Variants in NDUFA5 observed in about 807,000 individuals in gnomAD.
NDUFA5 encodes NADH dehydrogenase [ubiquinone] 1 alpha subcomplex subunit 5.
In NDUFA5, 11 loss-of-function variants were observed where a neutral mutation model predicts 19.8. The ratio of observed to expected loss-of-function variants is 0.56; its 90% CI spans 0.35 to 0.92. The LOEUF is 0.92. Ranked by LOEUF, NDUFA5 falls within the 40% of genes least tolerant of loss-of-function variation. NDUFA5 has a pLI of 0.01. For missense variants in NDUFA5, 109 were observed against 134.2 expected, an observed-to-expected ratio of 0.81 and a Z score of 0.93; for synonymous variants, 47 against 46.8, an observed-to-expected ratio of 1.00 and a Z score of -0.01.
In NDUFA5 at chr7:123,545,634, G is replaced by A. The variant is rs766524825; in HGVS notation, c.226C>T (p.Gln76Ter). Residue 76 changes from glutamine to a stop codon, truncating the protein, a stop_gained, in exon 4 of 5, where the codon CAA (glutamine) becomes TAA (stop). Coordinates refer to ENST00000355749, the MANE Select transcript of NDUFA5 (RefSeq NM_005000.5). LOFTEE classifies it high-confidence loss of function. ...KKLEDQLQGGQLEEVILQAEH... is the reference protein window; with the variant it reads ...KKLEDQLQGG ...ACCTGAAGAATCACCTCTTCTAATT[G>A]ACCGCCTTGAAGTTGGTCTTCTAAT... The A allele has an allele frequency of 3.7e-6, 6 of 1,610,170 alleles. No homozygotes were observed. Among genetic ancestry groups the A allele is most frequent in the Non-Finnish European group, 5.1e-6 (6 of 1,178,538 alleles).
the NDUFA5 span, among the ~76,000 whole-genome samples, chr7:123,597,069 G>A: frequency 6.6e-5 from 10 of 152,130 alleles, no homozygotes; most frequent in Non-Finnish European, 8.8e-5. Context: ...TCTTACACAC[G>A]GTTTTGCTTG....
chr7:123,576,388 A>G, the NDUFA5 span, among the ~76,000 whole-genome samples: 1 of 151,864 alleles, frequency 6.6e-6, no homozygotes, highest in African/African-American at 2.4e-5. Context: ...CATAATTTTC[A>G]TCTGTTCAAT....
At chr7:123,601,044 C>T in the NDUFA5 span, among the ~76,000 whole-genome samples, 2 of 152,028 alleles carry the variant, frequency 1.3e-5, no homozygotes, top group East Asian at 1.9e-4. Context: ...ACCTGCAAAA[C>T]GAGTTGTTTT....
At position 123,541,756 on chromosome 7, in the gene NDUFA5, T is replaced by C. The variant is rs1286575081; in HGVS notation, c.*363A>G. The C allele has an allele frequency of 6.5e-6, 1 of 153,510 alleles. No individual in the cohort carries two copies. Among genetic ancestry groups the C allele is most frequent in the East Asian group, 1.9e-4 (1 of 5,262 alleles). The allele number at this position is 153,510 out of a possible 1,614,324, so 9.5% of individuals were successfully genotyped here. On this transcript the variant is annotated 3_prime_UTR_variant, in exon 5 of 5. Transcript: ENST00000355749. ...GACTATAATAATTAAGGACCTTTCCTTCTTCAGGATAACTTAAAAAATTAA... is the reference window on the plus strand; with the variant it reads ...GACTATAATAATTAAGGACCTTTCCCTCTTCAGGATAACTTAAAAAATTAA...
In NDUFA5 at chr7:123,537,894, A is replaced by G. The variant is rs1052285681; in HGVS notation, c.*4225T>C. On this transcript the variant is annotated 3_prime_UTR_variant, in exon 5 of 5. Coordinates refer to ENST00000355749, the MANE Select transcript of NDUFA5 (RefSeq NM_005000.5). ...ACCTAAAAAAAAATTGAAGATCATG[A>G]GAAATACCAAAATAGAAATCTTTGC... 1.3e-5 allele frequency: 2 copies of G among 152,190 alleles called. No homozygotes were observed. The highest frequency in any genetic ancestry group is 2.9e-5 in the Non-Finnish European group (2 of 68,032). The allele number at this position is 152,190 out of a possible 1,614,324, so 9.4% of individuals were successfully genotyped here. A position where few individuals can be genotyped will look rare whatever the true frequency, so the allele number is the denominator to read the frequency against.
chr7:123,600,919 G>GA, the NDUFA5 span, among the ~76,000 whole-genome samples: 13 of 152,060 alleles, frequency 8.5e-5, no homozygotes, highest in Non-Finnish European at 1.5e-4. Context: ...AGAGTTTCAG[G>GA]AAAAAGGGAA....
At position 123,540,377 on chromosome 7, in the gene NDUFA5, G is replaced by A. The variant is rs1248370293; in HGVS notation, c.*1742C>T. On this transcript the variant is annotated 3_prime_UTR_variant, in exon 5 of 5. Coordinates refer to ENST00000355749, the MANE Select transcript of NDUFA5 (RefSeq NM_005000.5). The stretch of plus-strand genomic sequence containing the variant: ...GTAACACTGTTGGTGAAACATAAAA[G>A]ATGCCCAAGAATCATGGCAGATACG... 1 of 152,064 alleles carries A rather than the reference G, an allele frequency of 6.6e-6. No individual in the cohort carries two copies. The highest frequency in any genetic ancestry group is 1.9e-4 in the East Asian group (1 of 5,192). The allele number at this position is 152,064 out of a possible 1,614,324, so 9.4% of individuals were successfully genotyped here.
At chr7:123,570,858 T>C in the NDUFA5 span, among the ~76,000 whole-genome samples, 1 of 152,212 alleles carries the variant, frequency 6.6e-6, no homozygotes, top group Non-Finnish European at 1.5e-5. Context: ...TATGGATTTC[T>C]CTTCAAAATC....
At chr7:123,571,692 ATGT>A in the NDUFA5 span, among the ~76,000 whole-genome samples, 1 of 152,240 alleles carries the variant, frequency 6.6e-6, no homozygotes, top group African/African-American at 2.4e-5. Context: ...TGTAAAAGAG[ATGT>A]TGTTTCACCA....
At chr7:123,564,318 C>CAGTAGCTAG in the NDUFA5 span, among the ~76,000 whole-genome samples, 64 of 152,212 alleles carry the variant, frequency 4.2e-4, no homozygotes, top group African/African-American at 1.4e-3. Flanking sequence ...ATTCTCAACC[C>CAGTAGCTAG]AGTAGCTAGA....
intron 4 of NDUFA5, among the ~76,000 whole-genome samples, chr7:123,544,950 C>T (rs1917711): frequency 1 from 151,458 of 151,946 alleles, 75,488 homozygotes; most frequent in Middle Eastern, 1. Flanking sequence ...AACTAAACTG[C>T]GGTGTTTGTT....
chr7:123,560,133 A>C (rs1412956258), upstream of NDUFA5, among the ~76,000 whole-genome samples: 1 of 152,196 alleles, frequency 6.6e-6, no homozygotes. Context: ...AAATTTCAAC[A>C]TGCTTTCATG....
In NDUFA5 at chr7:123,539,735, C is replaced by T. The variant is rs777500555; in HGVS notation, c.*2384G>A. ...GGAGAAAGAACCAATGACCAAATTG[C>T]AATACCTTTTAGATACCTATCCCAT... is the stretch of plus-strand genomic sequence containing the variant. On this transcript the variant is annotated 3_prime_UTR_variant, in exon 5 of 5. Transcript: ENST00000355749. 5 of 152,182 alleles carry T rather than the reference C, an allele frequency of 3.3e-5. No homozygotes were observed. The highest frequency in any genetic ancestry group is 7.3e-5 in the Non-Finnish European group (5 of 68,028). The allele number at this position is 152,182 out of a possible 1,614,324, so 9.4% of individuals were successfully genotyped here.
At chr7:123,560,476 G>A (rs1191406949), upstream of NDUFA5, among the ~76,000 whole-genome samples, 2 of 152,138 alleles carry the variant, frequency 1.3e-5, no homozygotes, top group African/African-American at 4.8e-5. Flanking sequence ...AATAACTTCA[G>A]CAAAGTTACA....
chr7:123,591,112 C>T, the NDUFA5 span, among the ~76,000 whole-genome samples: 1 of 151,778 alleles, frequency 6.6e-6, no homozygotes, highest in South Asian at 2.1e-4. Flanking sequence ...TCTGTTCTTG[C>T]TGTATAGGAA....
In NDUFA5 at chr7:123,540,091, T is replaced by A. The variant is rs1797876011; in HGVS notation, c.*2028A>T. The A allele has an allele frequency of 6.6e-6, 1 of 152,180 alleles. No homozygotes were observed. The highest frequency in any genetic ancestry group is 1.9e-4 in the East Asian group (1 of 5,194). The allele number at this position is 152,180 out of a possible 1,614,324, so 9.4% of individuals were successfully genotyped here. Reference sequence around the variant, plus strand: ...TCCCCAAGGCCCCAAGTTGCATAATTGCAGGGGAAAACTACTCACGTAGGG... The same window carrying A: ...TCCCCAAGGCCCCAAGTTGCATAATAGCAGGGGAAAACTACTCACGTAGGG... On this transcript the variant is annotated 3_prime_UTR_variant, in exon 5 of 5. Transcript: ENST00000355749.
the NDUFA5 span, among the ~76,000 whole-genome samples, chr7:123,577,464 C>T: frequency 6.6e-6 from 1 of 152,228 alleles, no homozygotes; most frequent in African/African-American, 2.4e-5. Flanking sequence ...GAACACATCA[C>T]AATGACATTT....
chr7:123,566,027 A>G, the NDUFA5 span, among the ~76,000 whole-genome samples: 2 of 152,130 alleles, frequency 1.3e-5, no homozygotes, highest in African/African-American at 2.4e-5. Context: ...TAAAAAAAAA[A>G]AAAAGAAAAA....
chr7:123,544,724 T>G (rs1798065074), intron 4 of NDUFA5, among the ~76,000 whole-genome samples: 1 of 138,142 alleles, frequency 7.2e-6, no homozygotes, highest in Non-Finnish European at 1.5e-5. Flanking sequence ...ATTTTTAAAG[T>G]TTAACCTTAC....
Sources: allele counts gnomAD v4.1 joint callset (sites outside exome capture counted in the v4.1 genomes callset), GRCh38; gene constraint gnomAD v4.1.1; transcripts MANE v1.5; gene names NCBI Gene and HGNC (gene_info 2026-07-23, HGNC 2026-07-21).